PATJ: variants seen among roughly 807,000 people sequenced by gnomAD.
PATJ encodes PATJ crumbs cell polarity complex component, also known as inaD-like protein.
In PATJ, 190 loss-of-function variants were observed where a neutral mutation model predicts 224.9. The observed-to-expected ratio is 0.84, with a 90% confidence interval of 0.75 to 0.95. The LOEUF is 0.95. Ranked by LOEUF, PATJ falls within the 40% of genes least tolerant of loss-of-function variation. PATJ has a pLI of 0.00. For synonymous variants in PATJ, 769 were observed against 820.3 expected (o/e 0.94, Z 1.07); for missense variants, 2,121 against 2,270.3 (o/e 0.93, Z 1.34).
At chr1:61,923,956 C>T (rs1370670252) in intron 26 of PATJ, among the ~76,000 whole-genome samples, 9 of 145,824 alleles carry the variant, frequency 6.2e-5, no homozygotes, top group Non-Finnish European at 1.1e-4. Flanking sequence ...TAAAAACAAA[C>T]GAACAGAAAA....
At chr1:62,112,161 G>A (rs113763780) in intron 34 of PATJ, among the ~76,000 whole-genome samples, 19 of 152,182 alleles carry the variant, frequency 1.2e-4, no homozygotes, top group African/African-American at 2.2e-4. Flanking sequence ...CTCCTTTCCC[G>A]TAACCATTCT....
At chr1:61,992,791 G>A (rs10493316) in intron 28 of PATJ, among the ~76,000 whole-genome samples, 10,129 of 152,192 alleles carry the variant, frequency 0.067, 756 homozygotes, top group East Asian at 0.39. Flanking sequence ...CACTATGTAT[G>A]TGGCAGCAAG....
Position 61,805,482 on chromosome 1 carries a change from A to G in PATJ, c.1584A>G (p.Lys528=). The change falls in exon 13 of 44, where the codon AAA becomes AAG. Residue 528 remains lysine (K), a synonymous_variant. Transcript: ENST00000642238. ...CAGACTCTCCAGAAAATGAGCTGAAATCCAGATGGGAAAACCTGTTGGGTC... is the reference window on the plus strand; with the variant it reads ...CAGACTCTCCAGAAAATGAGCTGAAGTCCAGATGGGAAAACCTGTTGGGTC... The part of the protein sequence containing the change: ...KVPDSPENEL[K]SRWENLLGPD... 3.1e-6 allele frequency: 5 copies of G among 1,608,584 alleles called. No individual in the cohort carries two copies. Among genetic ancestry groups the G allele is most frequent in the Non-Finnish European group, 4.3e-6 (5 of 1,175,102 alleles).
chr1:61,864,774 C>A, intron 20 of PATJ, 141 bp downstream of exon 20: 1 of 659,374 alleles, frequency 1.5e-6, no homozygotes, highest in Non-Finnish European at 2.5e-6. Context: ...ATGTGTCATC[C>A]AGTGTCTAGC....
chr1:62,152,576 G>A lies in PATJ; in HGVS notation c.5379-782G>A, dbSNP rs150516059. On this transcript the variant is annotated intron_variant, in intron 42 of 43. Transcript: ENST00000642238. Reference sequence around the variant, plus strand: ...TAAGGCAGGAGAATTGCTTGAATCCGGGAGGTGGAGGTTGCAGTGAGCCAA... The same window carrying A: ...TAAGGCAGGAGAATTGCTTGAATCCAGGAGGTGGAGGTTGCAGTGAGCCAA... Among the ~76,000 whole-genome samples the A allele has an allele frequency of 8.2e-3, 1,254 of 152,080 alleles. 14 individuals are homozygous for A. Among genetic ancestry groups the A allele is most frequent in the Admixed American group, 0.038 (585 of 15,268 alleles).
chr1:61,941,488 A>C (rs1271163605), intron 27 of PATJ, among the ~76,000 whole-genome samples: 1 of 152,008 alleles, frequency 6.6e-6, no homozygotes, highest in Non-Finnish European at 1.5e-5. Context: ...CCATCTCTAC[A>C]AAAAGTACAA....
chr1:62,153,872 G>A (rs575673128), intron 43 of PATJ, among the ~76,000 whole-genome samples: 10 of 152,244 alleles, frequency 6.6e-5, no homozygotes, highest in East Asian at 1.9e-4. Context: ...AGGCAGAAAG[G>A]TTTGTGCTGT....
chr1:61,793,585 A>G (rs912013858), intron 9 of PATJ, among the ~76,000 whole-genome samples: 2 of 151,272 alleles, frequency 1.3e-5, no homozygotes, highest in South Asian at 4.2e-4. Context: ...TACAAAAAAT[A>G]AAAAAAAATT....
chr1:61,871,419 A>G (rs1201553082), intron 20 of PATJ, among the ~76,000 whole-genome samples: 1 of 131,602 alleles, frequency 7.6e-6, no homozygotes, highest in African/African-American at 2.7e-5. Flanking sequence ...ATATACATAT[A>G]TATGTACATA....
At chr1:61,810,795 G>T (rs376037347) in intron 14 of PATJ, among the ~76,000 whole-genome samples, 2 of 152,116 alleles carry the variant, frequency 1.3e-5, no homozygotes, top group Non-Finnish European at 2.9e-5. Flanking sequence ...GTGGTAGTGG[G>T]CACCTGTAAT....
chr1:61,814,811 ATAG>A (rs1467909567), intron 14 of PATJ, among the ~76,000 whole-genome samples: 5 of 152,146 alleles, frequency 3.3e-5, no homozygotes. Context: ...AGACAAGAGG[ATAG>A]TAAAGGTTGC....
intron 24 of PATJ, among the ~76,000 whole-genome samples, chr1:61,902,991 C>G (rs533024040): frequency 6.6e-6 from 1 of 152,068 alleles, no homozygotes; most frequent in Non-Finnish European, 1.5e-5. Context: ...AGCAGTGAGT[C>G]CAGCAATGAT....
chr1:61,870,043 G>A (rs568189036), intron 20 of PATJ, among the ~76,000 whole-genome samples: 50 of 151,512 alleles, frequency 3.3e-4, no homozygotes, highest in Non-Finnish European at 2.1e-4. Context: ...GCCTTTTCAC[G>A]TGAGGCCGCT....
chr1:61,877,651 C>A (rs1194233680), intron 21 of PATJ, among the ~76,000 whole-genome samples: 1 of 152,090 alleles, frequency 6.6e-6, no homozygotes, highest in African/African-American at 2.4e-5. Flanking sequence ...CCCCTTCACT[C>A]TTCTGCCATG....
chr1:62,091,423 A>G (rs1660717926), intron 33 of PATJ, among the ~76,000 whole-genome samples: 3 of 152,236 alleles, frequency 2.0e-5, no homozygotes, highest in South Asian at 4.1e-4. Flanking sequence ...TAAGATTGTC[A>G]TGTGAATTAA....
At chr1:61,980,750 C>A (rs1432951458) in intron 27 of PATJ, among the ~76,000 whole-genome samples, 3 of 152,084 alleles carry the variant, frequency 2.0e-5, no homozygotes, top group Non-Finnish European at 4.4e-5. Flanking sequence ...TGCGGGGTTC[C>A]CCGCAGTGGA....
chr1:61,888,129 A>G (rs1049334204), intron 22 of PATJ, among the ~76,000 whole-genome samples: 2 of 152,210 alleles, frequency 1.3e-5, no homozygotes, highest in African/African-American at 4.8e-5. Flanking sequence ...GAGTGCTGCC[A>G]GGCCCGGTGT....
intron 33 of PATJ, among the ~76,000 whole-genome samples, chr1:62,106,182 A>ATATCTATATATC (rs1553268395): frequency 9.3e-6 from 1 of 108,080 alleles, no homozygotes; most frequent in African/African-American, 3.4e-5. Flanking sequence ...ATATATATAT[A>ATATCTATATATC]TATATGGCTG....
At position 61,901,263 on chromosome 1, in the gene PATJ, G is replaced by A. The variant is rs750352728; in HGVS notation, c.3204-19G>A. On this transcript the variant is annotated intron_variant, in intron 23 of 43. Coordinates refer to ENST00000642238, the MANE Select transcript of PATJ (RefSeq NM_001350145.3). ...TTAAACTTGTTGATGAGTGAGTTTT[G>A]TTTTTTTCCTTTATATAGTGTTGAG... The A allele has an allele frequency of 2.4e-5, 35 of 1,475,878 alleles. No homozygotes were observed. In the South Asian group the frequency reaches 4.9e-4, roughly 21 times the overall value. The allele number at this position is 1,475,878 out of a possible 1,614,324, so 91.4% of individuals were successfully genotyped here.
Sources: allele counts gnomAD v4.1 joint callset (sites outside exome capture counted in the v4.1 genomes callset), GRCh38; gene constraint gnomAD v4.1.1; transcripts MANE v1.5; gene names NCBI Gene and HGNC (gene_info 2026-07-23, HGNC 2026-07-21).